Variants in CGNL1 observed in about 807,000 individuals in gnomAD.
The protein encoded by CGNL1 is cingulin-like protein 1.
A neutral mutation model predicts 141.2 loss-of-function variants in CGNL1; 132 were observed. That is an observed-to-expected ratio of 0.93 (90% CI 0.81 to 1.08). The LOEUF is 1.08. Among genes scored for constraint, CGNL1 ranks in the 50% least tolerant of loss-of-function variants. The pLI, the probability that CGNL1 is intolerant of heterozygous loss-of-function variation, is 0.00. For synonymous variants in CGNL1, 690 were observed against 622.1 expected, an observed-to-expected ratio of 1.11 and a Z score of -1.63; for missense variants, 1,870 against 1,588.6, an observed-to-expected ratio of 1.18 and a Z score of -3.01.
chr15:57,419,009 C>T (rs772229308), intron 1 of CGNL1, among the ~76,000 whole-genome samples: 73 of 151,994 alleles, frequency 4.8e-4, no homozygotes, highest in Admixed American at 8.5e-4. Context: ...CTCACTGCAA[C>T]CTCCGCCTCC....
intron 11 of CGNL1, 53 bp downstream of exon 11, chr15:57,523,694 C>T: frequency 6.3e-7 from 1 of 1,594,340 alleles, no homozygotes; most frequent in South Asian, 1.1e-5. Flanking sequence ...TTTGTTGGAC[C>T]CAGTCCCCTC....
chr15:57,389,015 T>C (rs2062513825), intron 1 of CGNL1, among the ~76,000 whole-genome samples: 1 of 152,020 alleles, frequency 6.6e-6, no homozygotes, highest in Admixed American at 6.6e-5. Flanking sequence ...GGAGTCAAAC[T>C]ATAGAGAGGT....
At chr15:57,457,317 C>T (rs139445015) in intron 7 of CGNL1, among the ~76,000 whole-genome samples, 3 of 152,276 alleles carry the variant, frequency 2.0e-5, no homozygotes, top group Admixed American at 6.5e-5. Flanking sequence ...TTTCTCAGTG[C>T]GCATGGTCGT....
chr15:57,383,175 G>C (rs950967589), intron 1 of CGNL1, among the ~76,000 whole-genome samples: 1 of 152,134 alleles, frequency 6.6e-6, no homozygotes, highest in African/African-American at 2.4e-5. Context: ...TACTGTGAAA[G>C]CTTTAGGTGC....
chr15:57,409,267 G>C (rs775802489), intron 1 of CGNL1, among the ~76,000 whole-genome samples: 4 of 152,212 alleles, frequency 2.6e-5, no homozygotes, highest in Non-Finnish European at 5.9e-5. Flanking sequence ...ATTTGGAGAC[G>C]TGTGAGTAGG....
intron 1 of CGNL1, among the ~76,000 whole-genome samples, chr15:57,395,723 C>T (rs1325013687): frequency 6.6e-5 from 10 of 152,260 alleles, no homozygotes; most frequent in Admixed American, 5.9e-4. Context: ...ATTGAATTCT[C>T]ATCACATTCC....
Position 57,523,611 on chromosome 15 carries a change from G to C in CGNL1, c.2838G>C (p.Leu946=). 6.2e-7 allele frequency: 1 copy of C among 1,614,100 alleles called. No homozygotes were observed. Among genetic ancestry groups the C allele is most frequent in the Non-Finnish European group, 8.5e-7 (1 of 1,180,016 alleles). Residue 946 remains leucine (L), a synonymous_variant, in exon 11 of 19, where the codon CTG becomes CTC. Coordinates refer to ENST00000281282, the MANE Select transcript of CGNL1 (RefSeq NM_032866.5). ...KNEMENERWH[L]GKTIEKLQKE... is the part of the protein sequence containing the mutation. ...AGATGGAGAATGAGCGGTGGCACCT[G>C]GGCAAAACCATTGAGAAACTGCAGA...
chr15:57,431,847 G>A (rs142447240), intron 1 of CGNL1, among the ~76,000 whole-genome samples: 9 of 152,170 alleles, frequency 5.9e-5, no homozygotes, highest in Admixed American at 3.9e-4. Flanking sequence ...TGGCCACCCC[G>A]GATTTAGAGG....
At position 57,431,990 on chromosome 15, in the gene CGNL1, C is replaced by T. The variant is rs1170059091; in HGVS notation, c.-15-5995C>T. On this transcript the variant is annotated intron_variant, in intron 1 of 18. Transcript: ENST00000281282. ...TTTCCTAGAATTAAGCTCAAGACTG[C>T]ACTGAGACTCATCACCTCTCTACCC... Among the ~76,000 whole-genome samples the T allele has an allele frequency of 2.6e-5, 4 of 152,218 alleles. No homozygotes were observed. In the East Asian group the frequency reaches 7.7e-4, roughly 29 times the overall value.
intron 1 of CGNL1, among the ~76,000 whole-genome samples, chr15:57,395,776 T>C (rs1032511632): frequency 6.6e-6 from 1 of 152,272 alleles, no homozygotes; most frequent in Non-Finnish European, 1.5e-5. Flanking sequence ...CATTTTCAAA[T>C]GTAGAAACTG....
At chr15:57,452,120 A>G in intron 5 of CGNL1, 21 bp from the exon 6 acceptor site, 2 of 1,607,134 alleles carry the variant, frequency 1.2e-6, no homozygotes, top group Non-Finnish European at 1.7e-6. Flanking sequence ...GGCTCTTTAA[A>G]ATCACACTGA....
chr15:57,528,480 A>C (rs2031753443), intron 12 of CGNL1, among the ~76,000 whole-genome samples, 174 bp from the exon 13 acceptor site: 1 of 152,096 alleles, frequency 6.6e-6, no homozygotes. Context: ...TCTTTTTACA[A>C]AAAGGAAAGT....
intron 8 of CGNL1, among the ~76,000 whole-genome samples, chr15:57,491,856 C>CCCT (rs144437154): frequency 0.018 from 2,746 of 152,120 alleles, 81 homozygotes; most frequent in African/African-American, 0.063. Context: ...GGACCAACTC[C>CCCT]CCTCCTCCTC....
rs1395341524 is a variant in CGNL1 at position 57,545,495 on chromosome 15, C to A, written c.3501-97C>A. 10 of 1,040,208 alleles carry A rather than the reference C, an allele frequency of 9.6e-6. No homozygotes were observed. In the East Asian group the frequency reaches 2.6e-4, roughly 27 times the overall value. 64.4% of individuals were successfully genotyped at this position (1,040,208 alleles called of 1,614,324 possible). On this transcript the variant is annotated intron_variant, in intron 16 of 18. Transcript: ENST00000281282. ...GACCCTAAGCCTTGAGCTGACCAGGCACCCCTGGCTGGAGCTTCCCCTCCT... is the reference window on the plus strand; with the variant it reads ...GACCCTAAGCCTTGAGCTGACCAGGAACCCCTGGCTGGAGCTTCCCCTCCT...
Position 57,438,248 on chromosome 15 carries a change from C to T in CGNL1, c.249C>T (p.Asn83=). The T allele has an allele frequency of 6.2e-7, 1 of 1,614,170 alleles. No individual in the cohort carries two copies. The highest frequency in any genetic ancestry group is 8.5e-7 in the Non-Finnish European group (1 of 1,180,026). The part of the protein sequence containing the change: ...GPPFPPPVIN[N]LPLHSSNGSV... ...CCTTTCCACCTCCAGTGATAAATAA[C>T]CTGCCTCTACATTCCAGCAATGGTT... The change falls in exon 2 of 19, where the codon AAC becomes AAT. Residue 83 remains asparagine (N), a synonymous_variant. Transcript: ENST00000281282.
At position 57,461,692 on chromosome 15, in the gene CGNL1, G is replaced by C; in HGVS notation, c.2203G>C (p.Ala735Pro). ...KGALIEELLQ[A>P]KQDLQDLLIA... ...TTCCTCTCTCTAGGAGCTCTTACAG[G>C]CAAAACAGGATCTTCAAGATCTGCT... Residue 735 changes from alanine (A) to proline (P), a missense_variant, in exon 8 of 19, where the codon GCA becomes CCA. Coordinates refer to ENST00000281282, the MANE Select transcript of CGNL1 (RefSeq NM_032866.5). 1 of 1,613,984 alleles carries C rather than the reference G, an allele frequency of 6.2e-7. No individual in the cohort carries two copies. The highest frequency in any genetic ancestry group is 2.2e-5 in the East Asian group (1 of 44,864).
intron 12 of CGNL1, among the ~76,000 whole-genome samples, chr15:57,525,210 G>A (rs6493934): frequency 0.43 from 65,309 of 152,048 alleles, 14,414 homozygotes; most frequent in Middle Eastern, 0.51. Context: ...ATAATGGCGA[G>A]TAAAAGAAAT....
chr15:57,439,360 C>T lies in CGNL1; in HGVS notation c.1361C>T (p.Ala454Val), dbSNP rs759246485. ...FAKLQGAAHG[A>V]SCAHSRPPQP... ...AAGCTGCAGGGAGCAGCGCACGGGG[C>T]TTCATGTGCCCACTCCAGGCCTCCC... Residue 454 changes from alanine to valine, a missense_variant, in exon 2 of 19, where the codon GCT becomes GTT. By Grantham distance (64) the Ala-to-Val change is moderately conservative. Coordinates refer to ENST00000281282, the MANE Select transcript of CGNL1 (RefSeq NM_032866.5). 4.3e-6 allele frequency: 7 copies of T among 1,614,032 alleles called. No individual in the cohort carries two copies. Among genetic ancestry groups the T allele is most frequent in the Non-Finnish European group, 5.9e-6 (7 of 1,180,044 alleles).
At position 57,524,612 on chromosome 15, in the gene CGNL1, C is replaced by T; in HGVS notation, c.2900C>T (p.Ser967Leu). ...GACATTGTTGAGGCCTCCCGTACCT[C>T]AACCCTGGAGCTCCAGAACCAGCTG... ...MADIVEASRT[S>L]TLELQNQLDE... Residue 967 changes from serine to leucine, a missense_variant, in exon 12 of 19, where the codon TCA (serine) becomes TTA (leucine). Ser to Leu is a moderately radical substitution (Grantham distance 145, BLOSUM62 -2). Coordinates refer to ENST00000281282, the MANE Select transcript of CGNL1 (RefSeq NM_032866.5). The T allele has an allele frequency of 6.2e-7, 1 of 1,614,066 alleles. No individual in the cohort carries two copies. The highest frequency in any genetic ancestry group is 8.5e-7 in the Non-Finnish European group (1 of 1,179,996).
Sources: gnomAD v4.1 joint callset for allele counts (sites outside exome capture counted in the v4.1 genomes callset) on GRCh38, gnomAD v4.1.1 for gene constraint, MANE v1.5 for transcripts, NCBI Gene and HGNC (gene_info 2026-07-23, HGNC 2026-07-21) for gene names.